Variants in KRIT1 observed in about 807,000 individuals in gnomAD.
KRIT1 encodes KRIT1 ankyrin repeat containing.
KRIT1 carries 45 observed loss-of-function variants against 95.8 expected under a neutral mutation model. That is an observed-to-expected ratio of 0.47 (90% CI 0.37 to 0.60). The LOEUF is 0.60. Ranked by LOEUF, KRIT1 falls within the 20% of genes least tolerant of loss-of-function variation. The probability of loss-of-function intolerance (pLI) is 0.00; values close to 1 mark genes in which losing one functional copy is unlikely to be tolerated. For missense variants in KRIT1, 788 were observed against 877.5 expected (o/e 0.90, Z 1.29); for synonymous variants, 282 against 278.8 (o/e 1.01, Z -0.11).
At position 92,245,830 on chromosome 7, in the gene KRIT1, C is replaced by G. The variant is rs949709564; in HGVS notation, c.-461G>C. ...CTTCCCTCTCCTCGCACCTCAGCAC[C>G]ATTCACCCCTCACCCTCTCCCGAAA... On this transcript the variant is annotated 5_prime_UTR_variant, in exon 1 of 19. The change abolishes an upstream ATG in the 5' untranslated region. Transcript: ENST00000394505. The G allele has an allele frequency of 2.6e-4, 52 of 202,342 alleles. No homozygotes were observed. The highest frequency in any genetic ancestry group is 1.1e-3 in the African/African-American group (48 of 41,796). 12.5% of individuals were successfully genotyped at this position (202,342 alleles called of 1,614,324 possible).
At chr7:92,238,357 T>C (rs1798854728) in intron 5 of KRIT1, among the ~76,000 whole-genome samples, 1 of 152,226 alleles carries the variant, frequency 6.6e-6, no homozygotes, top group Non-Finnish European at 1.5e-5. Flanking sequence ...TTCAATGCTT[T>C]CAATTTCCTC....
chr7:92,237,678 G>A lies in KRIT1; in HGVS notation c.344C>T (p.Ser115Leu). The change falls in exon 6 of 19, where the codon TCA (serine) becomes TTA (leucine). Residue 115 changes from serine to leucine, a missense_variant. Coordinates refer to ENST00000394505, the MANE Select transcript of KRIT1 (RefSeq NM_194454.3). Reference protein sequence around the residue: ...GREASLFIVPSVVKDNTKYTY... With the variant: ...GREASLFIVPLVVKDNTKYTY... The stretch of plus-strand genomic sequence containing the variant: ...CATTTAGACTTTACCTTTGACAACT[G>A]ATGGAACAATAAATAATGATGCTTC... 6.3e-7 allele frequency: 1 copy of A among 1,593,704 alleles called. No homozygotes were observed. The highest frequency in any genetic ancestry group is 8.6e-7 in the Non-Finnish European group (1 of 1,161,842).
downstream of KRIT1, chr7:92,199,069 G>C (rs1024501765): frequency 6.6e-6 from 1 of 152,134 alleles, no homozygotes; most frequent in African/African-American, 2.4e-5. Context: ...CCATTTAGAT[G>C]GACCTAGAAC....
chr7:92,243,348 GAA>G (rs760087267), intron 3 of KRIT1, among the ~76,000 whole-genome samples: 19 of 151,462 alleles, frequency 1.3e-4, no homozygotes, highest in Non-Finnish European at 2.8e-4. Context: ...ATCTTTTTTT[GAA>G]AAAGCTTCTC....
At chr7:92,214,171 TTTC>T (rs1379862877) in intron 15 of KRIT1, among the ~76,000 whole-genome samples, 192 bp from the exon 16 acceptor site, 1 of 152,158 alleles carries the variant, frequency 6.6e-6, no homozygotes, top group Non-Finnish European at 1.5e-5. Context: ...TAGATAAATG[TTTC>T]TTCTTTCAAT....
At chr7:92,203,920 T>C (rs927839850) in intron 17 of KRIT1, 2 of 152,386 alleles carry the variant, frequency 1.3e-5, no homozygotes, top group African/African-American at 4.8e-5. Flanking sequence ...CAGCCTATTT[T>C]GTGTGGGCAA....
At chr7:92,202,213 A>C (rs992936054) in intron 17 of KRIT1, 1 of 152,202 alleles carries the variant, frequency 6.6e-6, no homozygotes, top group Non-Finnish European at 1.5e-5. Context: ...TTACTAACAT[A>C]CCTTTCATAA....
chr7:92,241,627 CTTAA>C (rs1169026495), intron 4 of KRIT1, among the ~76,000 whole-genome samples: 11 of 151,990 alleles, frequency 7.2e-5, no homozygotes, highest in Admixed American at 2.0e-4. Context: ...AGAAAAGTAA[CTTAA>C]TTGTCTAAAA....
chr7:92,241,104 T>C lies in KRIT1; in HGVS notation c.151A>G (p.Lys51Glu). The C allele has an allele frequency of 3.1e-6, 5 of 1,611,264 alleles. No individual in the cohort carries two copies. The highest frequency in any genetic ancestry group is 4.2e-6 in the Non-Finnish European group (5 of 1,177,362). Residue 51 changes from lysine to glutamate, a missense_variant, in exon 5 of 19, where the codon AAA becomes GAA. Coordinates refer to ENST00000394505, the MANE Select transcript of KRIT1 (RefSeq NM_194454.3). Reference sequence around the variant, plus strand: ...TGAAGTTTCGTTTCCAATAAAACTTTCTTTCTCTTTTTTTTCTGTCCTTCA... The same window carrying C: ...TGAAGTTTCGTTTCCAATAAAACTTCCTTTCTCTTTTTTTTCTGTCCTTCA... ...PIEGQKKKRK[K>E]VLLETKLQGN...
At chr7:92,205,035 G>T (rs535360372) in intron 17 of KRIT1, among the ~76,000 whole-genome samples, 91 of 152,268 alleles carry the variant, frequency 6.0e-4, no homozygotes, top group African/African-American at 2.0e-3. Context: ...GGAGTTATGT[G>T]ATTATAAAGA....
chr7:92,240,585 G>T (rs767292008), intron 5 of KRIT1, among the ~76,000 whole-genome samples: 8 of 152,236 alleles, frequency 5.3e-5, no homozygotes, highest in Non-Finnish European at 1.2e-4. Flanking sequence ...TCTGAAAAGG[G>T]TCTTCTTTCT....
chr7:92,212,775 C>T (rs1178587286), intron 17 of KRIT1, among the ~76,000 whole-genome samples: 2 of 152,164 alleles, frequency 1.3e-5, no homozygotes, highest in African/African-American at 4.8e-5. Context: ...TCCCTCCTTA[C>T]TTTTATTCCT....
At chr7:92,232,755 G>A (rs1213520749) in intron 10 of KRIT1, among the ~76,000 whole-genome samples, 5 of 151,878 alleles carry the variant, frequency 3.3e-5, no homozygotes, top group African/African-American at 7.3e-5. Context: ...GTGCAGTGGC[G>A]TGATCTCAGC....
At chr7:92,209,523 A>C (rs1202999233) in intron 17 of KRIT1, among the ~76,000 whole-genome samples, 2 of 152,206 alleles carry the variant, frequency 1.3e-5, no homozygotes, top group East Asian at 3.8e-4. Flanking sequence ...CAGGACACAA[A>C]ATTCACATAC....
intron 5 of KRIT1, among the ~76,000 whole-genome samples, chr7:92,239,153 ATGTC>A (rs1220180542): frequency 1.3e-5 from 2 of 152,210 alleles, no homozygotes; most frequent in Non-Finnish European, 2.9e-5. Flanking sequence ...AGTACATTTT[ATGTC>A]TGAGTATACA....
chr7:92,232,963 G>C (rs1797632886), intron 10 of KRIT1, among the ~76,000 whole-genome samples: 1 of 152,102 alleles, frequency 6.6e-6, no homozygotes, highest in Non-Finnish European at 1.5e-5. Flanking sequence ...AAAGTGCTGG[G>C]ATTACAGGTG....
chr7:92,236,004 ACTCCTTTC>A, intron 7 of KRIT1: 1 of 241,748 alleles, frequency 4.1e-6, no homozygotes, highest in Non-Finnish European at 8.0e-6. Context: ...AGTAATAAAA[ACTCCTTTC>A]AAAAAACATA....
At chr7:92,231,057 A>G (rs1182073374) in intron 10 of KRIT1, among the ~76,000 whole-genome samples, 1 of 152,174 alleles carries the variant, frequency 6.6e-6, no homozygotes, top group Non-Finnish European at 1.5e-5. Flanking sequence ...AATGATCTGA[A>G]GTCTGAAAGT....
In KRIT1 at chr7:92,245,879, G is replaced by A; in HGVS notation, c.-510C>T. ...AACTACGGGGTCCCAGGTCTTCAAA[G>A]GCCTTAGCTTTCCACCCCGCCGTTA... is the stretch of plus-strand genomic sequence containing the variant. On this transcript the variant is annotated 5_prime_UTR_variant, in exon 1 of 19. Transcript: ENST00000394505. The A allele has an allele frequency of 4.4e-6, 1 of 229,072 alleles. No individual in the cohort carries two copies. The highest frequency in any genetic ancestry group is 4.9e-5 in the South Asian group (1 of 20,240). 14.2% of individuals were successfully genotyped at this position (229,072 alleles called of 1,614,324 possible).
Sources: allele counts gnomAD v4.1 joint callset (sites outside exome capture counted in the v4.1 genomes callset), GRCh38; gene constraint gnomAD v4.1.1; transcripts MANE v1.5; gene names NCBI Gene and HGNC (gene_info 2026-07-23, HGNC 2026-07-21).